The following SATB2 variants were observed in gnomAD, a reference collection of about 807,000 sequenced individuals.
SATB2 encodes the protein DNA-binding protein SATB2.
Under a neutral mutation model 73.4 loss-of-function variants are expected in SATB2, and 1 was observed. That is an observed-to-expected ratio of 0.01 (90% CI 0.00 to 0.06). The LOEUF (loss-of-function observed/expected upper bound fraction) is 0.06. SATB2 is among the 10% of genes least tolerant of loss of function. The pLI is 1.00. For missense variants in SATB2, 459 were observed against 945.8 expected, an observed-to-expected ratio of 0.49 and a Z score of 6.75; for synonymous variants, 397 against 367.0, an observed-to-expected ratio of 1.08 and a Z score of -0.93.
At position 199,439,946 on chromosome 2, in the gene SATB2, A is replaced by C. The variant is rs576050142; in HGVS notation, c.170-6432T>G. ...TGGTGAGACCCCCGTATCTACTAAA[A>C]ATACAAAAACTAGCCGGACATGGTG... On this transcript the variant is annotated intron_variant, in intron 2 of 10. Transcript: ENST00000417098. Among the ~76,000 whole-genome samples the C allele has an allele frequency of 9.3e-4, 142 of 152,246 alleles. 1 individual carries two copies. The highest frequency in any genetic ancestry group is 1.5e-3 in the Non-Finnish European group (104 of 68,006).
At chr2:199,347,522 CTA>C (rs1383052686) in intron 7 of SATB2, 1 of 152,078 alleles carries the variant, frequency 6.6e-6, no homozygotes, top group East Asian at 1.9e-4. Context: ...ACCTAATACT[CTA>C]GAGTGTTGTT....
At chr2:199,454,053 T>C (rs922296875) in intron 2 of SATB2, among the ~76,000 whole-genome samples, 1 of 152,036 alleles carries the variant, frequency 6.6e-6, no homozygotes, top group Non-Finnish European at 1.5e-5. Context: ...ATTAAACACA[T>C]AAGGGCTCAA....
intron 3 of SATB2, among the ~76,000 whole-genome samples, chr2:199,390,560 A>G (rs1690099798): frequency 6.6e-6 from 1 of 152,206 alleles, no homozygotes; most frequent in African/African-American, 2.4e-5. Context: ...AATATCTTCA[A>G]TAATCAAAGA....
At position 199,443,371 on chromosome 2, in the gene SATB2, C is replaced by A. The variant is rs146601710; in HGVS notation, c.170-9857G>T. ...TCAGCTCTCAATAAGACAAGACTACCCAGATTTCTAGTGGGAATATTTCAT... is the reference window on the plus strand; with the variant it reads ...TCAGCTCTCAATAAGACAAGACTACACAGATTTCTAGTGGGAATATTTCAT... On this transcript the variant is annotated intron_variant, in intron 2 of 10. Coordinates refer to ENST00000417098, the MANE Select transcript of SATB2 (RefSeq NM_001172509.2). Among the ~76,000 whole-genome samples, 6 of 151,940 alleles carry A rather than the reference C, an allele frequency of 3.9e-5. No individual in the cohort carries two copies. The East Asian group carries it at 9.7e-4, about 24-fold the overall frequency.
At chr2:199,317,784 C>T (rs1687775289) in intron 9 of SATB2, among the ~76,000 whole-genome samples, 2 of 151,802 alleles carry the variant, frequency 1.3e-5, no homozygotes, top group African/African-American at 4.8e-5. Context: ...TGAGATTATA[C>T]CAAGAGAAAA....
chr2:199,381,832 A>G lies in SATB2; in HGVS notation c.347-12T>C. Reference sequence around the variant, plus strand: ...CAGCTTGATTATTCCTGCACAGGGAAGAAAAACATAATAAACACATATCTG... The same window carrying G: ...CAGCTTGATTATTCCTGCACAGGGAGGAAAAACATAATAAACACATATCTG... On this transcript the variant is annotated splice_polypyrimidine_tract_variant and intron_variant, in intron 3 of 10. Coordinates refer to ENST00000417098, the MANE Select transcript of SATB2 (RefSeq NM_001172509.2). 1 of 1,613,878 alleles carries G rather than the reference A, an allele frequency of 6.2e-7. No homozygotes were observed. Among genetic ancestry groups the G allele is most frequent in the South Asian group, 1.1e-5 (1 of 91,076 alleles).
chr2:199,391,390 G>A (rs1387443453), intron 3 of SATB2, among the ~76,000 whole-genome samples: 4 of 134,174 alleles, frequency 3.0e-5, no homozygotes, highest in South Asian at 2.3e-4. Context: ...CAGAGATTGC[G>A]CCACTGCACT....
intron 2 of SATB2, among the ~76,000 whole-genome samples, chr2:199,444,536 G>A (rs968326169): frequency 2.0e-5 from 3 of 152,092 alleles, no homozygotes; most frequent in African/African-American, 7.2e-5. Flanking sequence ...AATAATTTCT[G>A]AGCCACAAAA....
intron 5 of SATB2, among the ~76,000 whole-genome samples, chr2:199,370,946 CA>C (rs67348909): frequency 0.36 from 25,252 of 69,580 alleles, 1,835 homozygotes; most frequent in East Asian, 0.55. Context: ...ATGAACTGAG[CA>C]AAAAAAAAAA....
At chr2:199,346,463 C>G (rs968232057) in intron 7 of SATB2, among the ~76,000 whole-genome samples, 1 of 152,066 alleles carries the variant, frequency 6.6e-6, no homozygotes, top group Non-Finnish European at 1.5e-5. Context: ...ACTCATTTTT[C>G]AATGACTCAT....
At chr2:199,444,265 C>T (rs887878433) in intron 2 of SATB2, among the ~76,000 whole-genome samples, 1 of 152,010 alleles carries the variant, frequency 6.6e-6, no homozygotes, top group Non-Finnish European at 1.5e-5. Flanking sequence ...TATCACCCAG[C>T]CAATGAAAGA....
chr2:199,357,704 T>C (rs1055339730), intron 6 of SATB2, among the ~76,000 whole-genome samples: 1 of 152,090 alleles, frequency 6.6e-6, no homozygotes, highest in Non-Finnish European at 1.5e-5. Flanking sequence ...AGTATATAAA[T>C]ATAGTGATTA....
intron 10 of SATB2, among the ~76,000 whole-genome samples, chr2:199,292,016 T>C (rs1423393096): frequency 4.6e-5 from 7 of 152,072 alleles, no homozygotes; most frequent in African/African-American, 1.7e-4. Flanking sequence ...AGAGAACAGA[T>C]TTAATGAGAT....
chr2:199,414,008 C>T (rs563644103), intron 3 of SATB2, among the ~76,000 whole-genome samples: 1 of 152,190 alleles, frequency 6.6e-6, no homozygotes, highest in African/African-American at 2.4e-5. Flanking sequence ...ATATTCCTAA[C>T]ATGTCACTCC....
At chr2:199,470,228 G>T (rs1238481971) in intron 1 of SATB2, 1 of 152,282 alleles carries the variant, frequency 6.6e-6, no homozygotes, top group African/African-American at 2.4e-5. Flanking sequence ...ATAACGGAAA[G>T]GGCTAAGACG....
chr2:199,445,037 A>G (rs949389571), intron 2 of SATB2, among the ~76,000 whole-genome samples: 2 of 152,228 alleles, frequency 1.3e-5, no homozygotes, highest in South Asian at 2.1e-4. Flanking sequence ...TTCAAGCTAT[A>G]CATCAATCTT....
rs1458488323 is a variant in SATB2, at chr2:199,272,831, A to G, written c.1741-159T>C. ...GGAAAGCTTAAAAGCATTTCTGGAC[A>G]TTTAGTATCTCACCTACAAAACAGG... On this transcript the variant is annotated intron_variant, in intron 10 of 10. Coordinates refer to ENST00000417098, the MANE Select transcript of SATB2 (RefSeq NM_001172509.2). The surrounding 1 kb of genome is among the most constrained non-coding windows in gnomAD (Gnocchi z 6.7). Among the ~76,000 whole-genome samples, 1 of 152,154 alleles carries G rather than the reference A, an allele frequency of 6.6e-6. No individual in the cohort carries two copies. Among genetic ancestry groups the G allele is most frequent in the Non-Finnish European group, 1.5e-5 (1 of 67,990 alleles).
Position 199,269,561 on chromosome 2 carries a change from A to G in SATB2, c.*2650T>C, listed in dbSNP as rs750719581. On this transcript the variant is annotated 3_prime_UTR_variant, in exon 11 of 11. Coordinates refer to ENST00000417098, the MANE Select transcript of SATB2 (RefSeq NM_001172509.2). Reference sequence around the variant, plus strand: ...AAATTCTAACAGCCTAACAATGCACATAAGTTAAAAATTAATTATCACTTA... The same window carrying G: ...AAATTCTAACAGCCTAACAATGCACGTAAGTTAAAAATTAATTATCACTTA... The G allele has an allele frequency of 2.0e-5, 3 of 152,778 alleles. No individual in the cohort carries two copies. Among genetic ancestry groups the G allele is most frequent in the South Asian group, 2.1e-4 (1 of 4,828 alleles). The allele number at this position is 152,778 out of a possible 1,614,324, so 9.5% of individuals were successfully genotyped here.
chr2:199,276,068 T>C (rs1190839348), intron 10 of SATB2, among the ~76,000 whole-genome samples: 1 of 152,204 alleles, frequency 6.6e-6, no homozygotes, highest in Non-Finnish European at 1.5e-5. Flanking sequence ...ACAACATAAT[T>C]TGCTCTCTAG....
Sources: gnomAD v4.1 joint callset for allele counts (sites outside exome capture counted in the v4.1 genomes callset) on GRCh38, gnomAD v4.1.1 for gene constraint, Gnocchi (gnomAD v3.1) non-coding constraint, MANE v1.5 for transcripts, NCBI Gene and HGNC (gene_info 2026-07-23, HGNC 2026-07-21) for gene names.